PPP2R5C: variants seen among roughly 807,000 people sequenced by gnomAD.
PPP2R5C encodes the protein protein phosphatase 2 regulatory subunit B'gamma.
A neutral mutation model predicts 68.9 loss-of-function variants in PPP2R5C; 7 were observed. That is an observed-to-expected ratio of 0.10 (90% CI 0.06 to 0.19). The LOEUF (loss-of-function observed/expected upper bound fraction) is 0.19, where lower values mean the gene tolerates loss of function less well. Ranked by LOEUF, PPP2R5C falls within the 10% of genes least tolerant of loss-of-function variation. PPP2R5C has a pLI of 1.00. For missense variants in PPP2R5C, 348 were observed against 641.3 expected (o/e 0.54, Z 4.94); for synonymous variants, 210 against 222.2 (o/e 0.95, Z 0.49).
chr14:101,821,426 T>C (rs2040045651), intron 1 of PPP2R5C, among the ~76,000 whole-genome samples: 1 of 123,138 alleles, frequency 8.1e-6, no homozygotes, highest in Non-Finnish European at 1.7e-5. Flanking sequence ...CCAGACCATT[T>C]TCTCCCTGTG....
At chr14:101,836,164 TG>T in intron 1 of PPP2R5C, 1 of 690,012 alleles carries the variant, frequency 1.4e-6, no homozygotes, top group Non-Finnish European at 2.6e-6. Flanking sequence ...TTTTTTTTTT[TG>T]CAGTTGAGGC....
chr14:101,787,542 T>C (rs2038158289), intron 3 of PPP2R5C, among the ~76,000 whole-genome samples: 1 of 152,034 alleles, frequency 6.6e-6, no homozygotes, highest in Admixed American at 6.6e-5. Flanking sequence ...GGCGGGCGGA[T>C]CACGAGGTCA....
intron 11 of PPP2R5C, 60 bp downstream of exon 13, chr14:101,909,750 C>T (rs2046280767): frequency 8.0e-7 from 1 of 1,254,880 alleles, no homozygotes; most frequent in Non-Finnish European, 1.1e-6. Flanking sequence ...CCTAAGTAAA[C>T]CTCTTCCACT....
Position 101,916,432 on chromosome 14 carries a change from C to T in PPP2R5C, c.1327-1399C>T, listed in dbSNP as rs2046673457. On this transcript the variant is annotated intron_variant, in intron 12 of 13. Coordinates refer to ENST00000334743, the Ensembl canonical transcript of PPP2R5C. The surrounding 1 kb of genome is among the most constrained non-coding windows in gnomAD (Gnocchi z 5.5). ...AGGGACAGAGGGTGTGGGAAAAGGC[C>T]GAAGACAGCCCACAGAGGAAGGAGC... Among the ~76,000 whole-genome samples, 2 of 152,034 alleles carry T rather than the reference C, an allele frequency of 1.3e-5. No individual in the cohort carries two copies. The highest frequency in any genetic ancestry group is 2.9e-5 in the Non-Finnish European group (2 of 68,010).
chr14:101,886,886 C>T (rs910212849), intron 5 of PPP2R5C, among the ~76,000 whole-genome samples: 1 of 152,132 alleles, frequency 6.6e-6, no homozygotes, highest in African/African-American at 2.4e-5. Context: ...TGTGCCACCA[C>T]ATGCGGCTAA....
At chr14:101,809,916 C>A (rs758081019) in exon 1 of PPP2R5C, 1 of 1,610,750 alleles carries the variant, frequency 6.2e-7, no homozygotes, top group Non-Finnish European at 8.5e-7. Flanking sequence ...CCTTAAGGAG[C>A]CCATTGCCTT....
At chr14:101,869,339 A>G (rs937850052) in intron 2 of PPP2R5C, among the ~76,000 whole-genome samples, 1 of 152,170 alleles carries the variant, frequency 6.6e-6, no homozygotes, top group Non-Finnish European at 1.5e-5. Flanking sequence ...TTTCCTATGG[A>G]GGGATATTTG....
chr14:101,906,369 A>G lies in PPP2R5C; in HGVS notation c.1024-33A>G, dbSNP rs770724965. ...ACAGCCACCTGATGTCTCAGGCACA[A>G]CCTCCAGCAAGCCATCCACTTGTGT... On this transcript the variant is annotated intron_variant, in intron 9 of 13. Transcript: ENST00000334743. This position sits in a 1 kb window ranked among gnomAD's most constrained non-coding sequence, Gnocchi z 4.0. 7 of 1,560,966 alleles carry G rather than the reference A, an allele frequency of 4.5e-6. No individual in the cohort carries two copies. The highest frequency in any genetic ancestry group is 4.1e-5 in the African/African-American group (3 of 73,158).
In PPP2R5C at chr14:101,888,847, C is replaced by G. The variant is rs1426146907; in HGVS notation, c.630-1390C>G. Among the ~76,000 whole-genome samples the G allele has an allele frequency of 6.6e-6, 1 of 152,198 alleles. No individual in the cohort carries two copies. The highest frequency in any genetic ancestry group is 1.5e-5 in the Non-Finnish European group (1 of 68,036). The stretch of plus-strand genomic sequence containing the variant: ...CCTCAGGTGATCCACCTGCTTCAGC[C>G]TCCCAAAGTGCTGGGATTACAGGCA... On this transcript the variant is annotated intron_variant, in intron 5 of 13. Transcript: ENST00000334743. This position sits in a 1 kb window ranked among gnomAD's most constrained non-coding sequence, Gnocchi z 5.6.
chr14:101,861,642 A>T (rs1414148846), intron 2 of PPP2R5C, among the ~76,000 whole-genome samples: 2 of 152,222 alleles, frequency 1.3e-5, no homozygotes, highest in African/African-American at 2.4e-5. Flanking sequence ...TTAGGACTCT[A>T]TGATGAAATG....
chr14:101,897,171 A>C (rs1283996695), intron 8 of PPP2R5C, among the ~76,000 whole-genome samples: 3 of 152,174 alleles, frequency 2.0e-5, no homozygotes, highest in African/African-American at 7.2e-5. Context: ...AAATGTACCA[A>C]ATCTCATCAC....
At chr14:101,816,343 G>A (rs748568222) in intron 1 of PPP2R5C, among the ~76,000 whole-genome samples, 5 of 152,186 alleles carry the variant, frequency 3.3e-5, no homozygotes, top group Non-Finnish European at 5.9e-5. Flanking sequence ...AAAGACGCTG[G>A]CTAAAATGCA....
intron 3 of PPP2R5C, among the ~76,000 whole-genome samples, chr14:101,786,955 T>G (rs1035029791): frequency 6.6e-6 from 1 of 152,244 alleles, no homozygotes; most frequent in African/African-American, 2.4e-5. Context: ...TAATTTCCAC[T>G]GAATATTAAT....
At chr14:101,887,036 G>C (rs1049547691) in intron 5 of PPP2R5C, among the ~76,000 whole-genome samples, 3 of 152,194 alleles carry the variant, frequency 2.0e-5, no homozygotes, top group Admixed American at 6.5e-5. Context: ...CACCCAGCCA[G>C]CTCATCTAAG....
intron 2 of PPP2R5C, chr14:101,766,691 G>T (rs1444649356): frequency 6.6e-6 from 1 of 152,204 alleles, no homozygotes; most frequent in African/African-American, 2.4e-5. Flanking sequence ...ACTACTTATT[G>T]CTGATTTATT....
chr14:101,836,513 C>A (rs896255537), intron 1 of PPP2R5C: 5 of 587,092 alleles, frequency 8.5e-6, no homozygotes, highest in South Asian at 2.1e-5. Flanking sequence ...GCAGATAGTT[C>A]TTTTTCAAAA....
chr14:101,912,658 A>G, intron 12 of PPP2R5C, 185 bp downstream of exon 14: 2 of 1,240,436 alleles, frequency 1.6e-6, no homozygotes, highest in Non-Finnish European at 1.0e-6. Context: ...ATTTTGCCCC[A>G]TATCGTTTTA....
At chr14:101,795,970 G>A (rs1431403417) in intron 3 of PPP2R5C, among the ~76,000 whole-genome samples, 3 of 151,978 alleles carry the variant, frequency 2.0e-5, no homozygotes, top group Admixed American at 6.5e-5. Flanking sequence ...CCACAGGTGC[G>A]CACCACCACG....
At position 101,781,472 on chromosome 14, in the gene PPP2R5C, G is replaced by T. The variant is rs991752804; in HGVS notation, c.94-4546G>T. On this transcript the variant is annotated intron_variant, in intron 2 of 14. Coordinates refer to the PPP2R5C transcript ENST00000328724. This position sits in a 1 kb window ranked among gnomAD's most constrained non-coding sequence, Gnocchi z 6.4. ...TCGCTGCAGACCCGCGTGGGCTCCCGCCGGGCCCTCCTGCCGCCCCCCAGC... is the reference window on the plus strand; with the variant it reads ...TCGCTGCAGACCCGCGTGGGCTCCCTCCGGGCCCTCCTGCCGCCCCCCAGC... 2.6e-5 allele frequency among the ~76,000 whole-genome samples: 4 copies of T among 152,056 alleles called. No homozygotes were observed. Among genetic ancestry groups the T allele is most frequent in the African/African-American group, 7.2e-5 (3 of 41,412 alleles).
Sources: allele counts gnomAD v4.1 joint callset (sites outside exome capture counted in the v4.1 genomes callset), GRCh38; gene constraint gnomAD v4.1.1; non-coding constraint Gnocchi (gnomAD v3.1); transcripts MANE v1.5; gene names NCBI Gene and HGNC (gene_info 2026-07-23, HGNC 2026-07-21).